MYOCD: variants seen among roughly 807,000 people sequenced by gnomAD.
MYOCD encodes myocardin.
In MYOCD, 32 loss-of-function variants were observed where a neutral mutation model predicts 96.1. That is an observed-to-expected ratio of 0.33 (90% CI 0.25 to 0.45). MYOCD has a LOEUF of 0.45. MYOCD is among the 20% of genes least tolerant of loss of function. The pLI is 1.00. For missense variants in MYOCD, 1,133 were observed against 1,200.6 expected (o/e 0.94, Z 0.83); for synonymous variants, 469 against 469.0 (o/e 1.00, Z 0.00).
intron 5 of MYOCD, among the ~76,000 whole-genome samples, chr17:12,725,437 A>G (rs916163194): frequency 3.4e-5 from 5 of 148,624 alleles, no homozygotes; most frequent in African/African-American, 1.2e-4. Context: ...ATTATAAAGT[A>G]TACTATACTA....
At chr17:12,753,694 T>G (rs934740240) in intron 10 of MYOCD, among the ~76,000 whole-genome samples, 3 of 152,210 alleles carry the variant, frequency 2.0e-5, no homozygotes, top group African/African-American at 7.2e-5. Context: ...CAATAAAACT[T>G]TATTTTAAAA....
intron 1 of MYOCD, among the ~76,000 whole-genome samples, chr17:12,685,588 C>T (rs1047871026): frequency 3.5e-5 from 5 of 143,152 alleles, no homozygotes; most frequent in African/African-American, 1.3e-4. Flanking sequence ...GCCTGGGAGA[C>T]AGATTGAGAC....
In MYOCD at chr17:12,767,020, TA is replaced by T. The variant is rs1297698379; in HGVS notation, c.*3377del. 1 of 131,088 alleles carries T rather than the reference TA, an allele frequency of 7.6e-6. No homozygotes were observed. Among genetic ancestry groups the T allele is most frequent in the Non-Finnish European group, 1.6e-5 (1 of 62,694 alleles). 8.1% of individuals were successfully genotyped at this position (131,088 alleles called of 1,614,324 possible). ...GCGAGGAAGGAAGATAGGAGATGGG[TA>T]GGGGGGTAAAGAGAAAAGGAGGGAG... On this transcript the variant is annotated 3_prime_UTR_variant, in exon 14 of 14. Transcript: ENST00000425538.
At chr17:12,729,052 C>G (rs1336942281) in intron 5 of MYOCD, among the ~76,000 whole-genome samples, 1 of 152,180 alleles carries the variant, frequency 6.6e-6, no homozygotes, top group Non-Finnish European at 1.5e-5. Flanking sequence ...AAAGTCTTCA[C>G]CCTCTCTGAT....
At chr17:12,715,627 T>G in intron 3 of MYOCD, 53 bp downstream of exon 3, 21 of 1,402,962 alleles carry the variant, frequency 1.5e-5, no homozygotes, top group Non-Finnish European at 2.1e-5. Flanking sequence ...TATGAATCTC[T>G]GAATGCTAAT....
chr17:12,758,946 G>A (rs2033092148), intron 12 of MYOCD, among the ~76,000 whole-genome samples: 1 of 152,062 alleles, frequency 6.6e-6, no homozygotes, highest in Non-Finnish European at 1.5e-5. Flanking sequence ...CTACTCTGGA[G>A]GCTGAGGCAG....
chr17:12,741,737 A>G (rs1464828837), intron 7 of MYOCD, among the ~76,000 whole-genome samples: 2 of 151,770 alleles, frequency 1.3e-5, no homozygotes, highest in East Asian at 3.9e-4. Flanking sequence ...AAAATTAGCA[A>G]AGCCTTCAAC....
chr17:12,717,407 T>C lies in MYOCD; in HGVS notation c.239T>C (p.Met80Thr), dbSNP rs1490356013. ...NRCNSADLVN[M>T]HILQASTAER... Reference sequence around the variant, plus strand: ...TGCAACAGTGCCGACTTGGTTAATATGCACATACTCCAAGGTAAGGCTGCA... The same window carrying C: ...TGCAACAGTGCCGACTTGGTTAATACGCACATACTCCAAGGTAAGGCTGCA... The change falls in exon 4 of 14, where the codon ATG becomes ACG. Residue 80 changes from methionine (M) to threonine (T), a missense_variant. Coordinates refer to ENST00000425538, the MANE Select transcript of MYOCD (RefSeq NM_001146312.3). 1.2e-6 allele frequency: 2 copies of C among 1,613,744 alleles called. No homozygotes were observed. The highest frequency in any genetic ancestry group is 2.2e-5 in the East Asian group (1 of 44,888).
chr17:12,758,114 G>A lies in MYOCD; in HGVS notation c.2232G>A (p.Val744=). Residue 744 remains valine (V), a synonymous_variant, in exon 12 of 14, where the codon GTG becomes GTA. Coordinates refer to ENST00000425538, the MANE Select transcript of MYOCD (RefSeq NM_001146312.3). ...KMAGLHSSDK[V]GPKFSIPSPT... Reference sequence around the variant, plus strand: ...CTGGTTTACACTCTTCTGATAAGGTGGGGCCAAAGTTTTCAATTCCATCCC... The same window carrying A: ...CTGGTTTACACTCTTCTGATAAGGTAGGGCCAAAGTTTTCAATTCCATCCC... 1 of 1,614,012 alleles carries A rather than the reference G, an allele frequency of 6.2e-7. No homozygotes were observed. The highest frequency in any genetic ancestry group is 8.5e-7 in the Non-Finnish European group (1 of 1,179,950).
intron 5 of MYOCD, among the ~76,000 whole-genome samples, chr17:12,727,155 A>C (rs1438906850): frequency 1.3e-5 from 2 of 152,210 alleles, no homozygotes; most frequent in Non-Finnish European, 2.9e-5. Context: ...ACATAGAAAC[A>C]GGGAATCTGT....
At chr17:12,745,827 C>G in intron 8 of MYOCD, 92 bp from the exon 9 acceptor site, 1 of 1,357,186 alleles carries the variant, frequency 7.4e-7, no homozygotes. Flanking sequence ...ATGCCTGACC[C>G]TTGCAGGCAA....
chr17:12,716,965 G>A (rs1410910938), intron 3 of MYOCD, among the ~76,000 whole-genome samples: 1 of 125,740 alleles, frequency 8.0e-6, no homozygotes, highest in Non-Finnish European at 1.6e-5. Context: ...ATTCCAGCCT[G>A]GATGACAGAG....
At chr17:12,713,459 T>G (rs117035508) in intron 2 of MYOCD, among the ~76,000 whole-genome samples, 55 of 152,334 alleles carry the variant, frequency 3.6e-4, no homozygotes, top group Non-Finnish European at 7.2e-4. Context: ...CCAAGATCTA[T>G]TCATGCTAAT....
chr17:12,760,801 G>A, intron 13 of MYOCD, 94 bp downstream of exon 13: 2 of 1,006,974 alleles, frequency 2.0e-6, no homozygotes, highest in East Asian at 2.5e-5. Context: ...TGCACACTGT[G>A]AGTTGGATGT....
At chr17:12,720,394 C>G (rs897312068) in intron 4 of MYOCD, 1 of 152,054 alleles carries the variant, frequency 6.6e-6, no homozygotes, top group Admixed American at 6.6e-5. Flanking sequence ...CTAAACCTTC[C>G]GCTCCTAAAC....
At position 12,675,728 on chromosome 17, in the gene MYOCD, G is replaced by T. The variant is rs371112057; in HGVS notation, c.55+9485G>T. Among the ~76,000 whole-genome samples, 12 of 152,108 alleles carry T rather than the reference G, an allele frequency of 7.9e-5. No individual in the cohort carries two copies. The South Asian group carries it at 8.3e-4, about 10-fold the overall frequency. On this transcript the variant is annotated intron_variant, in intron 1 of 13. Transcript: ENST00000425538. ...AAAAAATTAGCCTGGCACTGGTGGC[G>T]CAAGCCTGTAGTCCCAGCTACCTGG... is the stretch of plus-strand genomic sequence containing the variant.
chr17:12,673,045 CA>C (rs1644778560), intron 1 of MYOCD, among the ~76,000 whole-genome samples: 1 of 152,158 alleles, frequency 6.6e-6, no homozygotes, highest in Non-Finnish European at 1.5e-5. Context: ...GCAATATCCT[CA>C]TTTCACAGAT....
At chr17:12,670,112 A>G (rs982602005) in intron 1 of MYOCD, among the ~76,000 whole-genome samples, 1 of 152,144 alleles carries the variant, frequency 6.6e-6, no homozygotes, top group Non-Finnish European at 1.5e-5. Context: ...AGATAAGCTC[A>G]GCAGGCAGGC....
At chr17:12,726,885 G>GT (rs1044527610) in intron 5 of MYOCD, among the ~76,000 whole-genome samples, 1 of 152,004 alleles carries the variant, frequency 6.6e-6, no homozygotes, top group African/African-American at 2.4e-5. Flanking sequence ...AGTTCTTTGA[G>GT]TTTTTTTCAA....
Sources: allele counts gnomAD v4.1 joint callset (sites outside exome capture counted in the v4.1 genomes callset), GRCh38; gene constraint gnomAD v4.1.1; transcripts MANE v1.5; gene names NCBI Gene and HGNC (gene_info 2026-07-23, HGNC 2026-07-21).